Variants in TMED2 observed in about 807,000 individuals in gnomAD.
TMED2 encodes transmembrane emp24 domain-containing protein 2.
Under a neutral mutation model 17.5 loss-of-function variants are expected in TMED2, and 3 were observed. That is an observed-to-expected ratio of 0.17 (90% confidence interval 0.08 to 0.44). TMED2 has a LOEUF of 0.44. Among genes scored for constraint, TMED2 ranks in the 20% least tolerant of loss-of-function variants. The probability of loss-of-function intolerance (pLI) is 0.99; values close to 1 mark genes in which losing one functional copy is unlikely to be tolerated. For missense variants in TMED2, 149 were observed against 254.8 expected (o/e 0.58, Z 2.83); for synonymous variants, 95 against 91.0 (o/e 1.04, Z -0.25).
At chr12:123,587,218 C>A (rs786450) in intron 2 of TMED2, among the ~76,000 whole-genome samples, 128,389 of 152,090 alleles carry the variant, frequency 0.84, 54,597 homozygotes, top group East Asian at 0.97. Context: ...GTGATCTTGG[C>A]TTACTGCAAT....
chr12:123,589,327 T>A (rs906029981), intron 2 of TMED2, among the ~76,000 whole-genome samples: 2 of 152,256 alleles, frequency 1.3e-5, no homozygotes, highest in Non-Finnish European at 2.9e-5. Context: ...CTCAGCTTTA[T>A]AGAGATTAAG....
At chr12:123,592,372 T>C (rs1364549027) in intron 3 of TMED2, among the ~76,000 whole-genome samples, 1 of 152,222 alleles carries the variant, frequency 6.6e-6, no homozygotes, top group Admixed American at 6.5e-5. Flanking sequence ...CTTTGCAATT[T>C]TAACTGGTTC....
At chr12:123,591,109 C>T (rs1224122399) in intron 3 of TMED2, among the ~76,000 whole-genome samples, 1 of 152,088 alleles carries the variant, frequency 6.6e-6, no homozygotes, top group Admixed American at 6.6e-5. Flanking sequence ...TTTTTAATCA[C>T]ATACCTGAAA....
At chr12:123,584,951 G>GC in intron 1 of TMED2, 135 bp downstream of exon 1, 1 of 1,103,582 alleles carries the variant, frequency 9.1e-7, no homozygotes, top group Non-Finnish European at 1.3e-6. Flanking sequence ...AGCCCAGGCC[G>GC]CCACCCCCCG....
intron 3 of TMED2, among the ~76,000 whole-genome samples, chr12:123,596,048 T>C (rs1277482104): frequency 6.6e-6 from 1 of 152,166 alleles, no homozygotes; most frequent in Non-Finnish European, 1.5e-5. Context: ...TATGTTGAGT[T>C]GCTTGGAGAC....
At chr12:123,587,692 T>C in intron 2 of TMED2, 3 of 1,235,482 alleles carry the variant, frequency 2.4e-6, no homozygotes, top group Non-Finnish European at 3.1e-6. Context: ...AATGTCTAAT[T>C]TCTGCTTTCT....
intron 1 of TMED2, chr12:123,585,629 T>G (rs1424562288): frequency 6.6e-6 from 1 of 152,214 alleles, no homozygotes; most frequent in Non-Finnish European, 1.5e-5. Context: ...AGTTACACAA[T>G]ACAAGTGAAA....
intron 1 of TMED2, 71 bp downstream of exon 1, chr12:123,584,887 G>A: frequency 1.3e-6 from 2 of 1,570,308 alleles, no homozygotes; most frequent in Non-Finnish European, 1.7e-6. Flanking sequence ...CCTGGGACCG[G>A]CGCGGGGCCT....
intron 2 of TMED2, 157 bp downstream of exon 2, chr12:123,587,096 T>A: frequency 1.6e-6 from 1 of 643,208 alleles, no homozygotes; most frequent in Non-Finnish European, 2.3e-6. Context: ...GTCTCCTAAT[T>A]AATAAAAAAG....
rs1398107168 is a variant in TMED2 at position 123,590,457 on chromosome 12, A to C, written c.481+8A>C. 2 of 1,590,906 alleles carry C rather than the reference A, an allele frequency of 1.3e-6. No homozygotes were observed. Among genetic ancestry groups the C allele is most frequent in the South Asian group, 2.2e-5 (2 of 89,134 alleles). On this transcript the variant is annotated splice_region_variant and intron_variant, in intron 3 of 3. Transcript: ENST00000262225. ...AGAGAATACACAGAGCCAGTAAGTG[A>C]ATGCCGTCACTTTGCAGCAGTGTCT...
intron 2 of TMED2, chr12:123,587,773 T>G (rs1358584304): frequency 1.5e-6 from 1 of 659,562 alleles, no homozygotes; most frequent in African/African-American, 2.0e-5. Flanking sequence ...CTAATTGGAT[T>G]GATATTTTTT....
chr12:123,590,284 CAAAAA>C (rs377692258), intron 2 of TMED2, 53 bp from the exon 3 acceptor site: 241 of 1,030,668 alleles, frequency 2.3e-4, no homozygotes, highest in East Asian at 6.8e-4. Context: ...GACTCTGTCT[CAAAAA>C]AAAAAAAAAA....
chr12:123,594,137 A>ATTTT (rs56102950), intron 3 of TMED2, among the ~76,000 whole-genome samples: 1 of 142,938 alleles, frequency 7.0e-6, no homozygotes, highest in Non-Finnish European at 1.5e-5. Flanking sequence ...ACTACATAGA[A>ATTTT]TTTTTTTTTT....
At chr12:123,587,186 G>A (rs999639666) in intron 2 of TMED2, among the ~76,000 whole-genome samples, 2 of 151,394 alleles carry the variant, frequency 1.3e-5, no homozygotes, top group African/African-American at 2.4e-5. Context: ...TCGCTCTTTC[G>A]CCCAGGCTGG....
intron 3 of TMED2, 133 bp downstream of exon 3, chr12:123,590,582 C>T: frequency 1.7e-6 from 1 of 601,536 alleles, no homozygotes. Flanking sequence ...AGTGTACCTA[C>T]ACGAGATATT....
intron 2 of TMED2, among the ~76,000 whole-genome samples, chr12:123,587,411 T>C (rs531816839): frequency 1.3e-5 from 2 of 152,298 alleles, no homozygotes; most frequent in East Asian, 3.9e-4. Flanking sequence ...TTTTTTGTTC[T>C]TTACATTTGT....
chr12:123,587,913 T>G (rs1953364146), intron 2 of TMED2, among the ~76,000 whole-genome samples: 1 of 152,212 alleles, frequency 6.6e-6, no homozygotes, highest in Non-Finnish European at 1.5e-5. Flanking sequence ...GAGTGGAAAT[T>G]CAATGATAAG....
In TMED2 at chr12:123,597,136, T is replaced by A. The variant is rs1953436574; in HGVS notation, c.*407T>A. ...GGATTCCTTCAGTCTATGGTTCAAG[T>A]CACTAAAGATTCATTTTTGTTGAGT... On this transcript the variant is annotated 3_prime_UTR_variant, in exon 4 of 4. Coordinates refer to ENST00000262225, the MANE Select transcript of TMED2 (RefSeq NM_006815.4). The A allele has an allele frequency of 6.5e-6, 1 of 152,778 alleles. No individual in the cohort carries two copies. The highest frequency in any genetic ancestry group is 1.5e-5 in the Non-Finnish European group (1 of 68,464). The allele number at this position is 152,778 out of a possible 1,614,324, so 9.5% of individuals were successfully genotyped here.
At chr12:123,595,306 G>A (rs1953423164) in intron 3 of TMED2, among the ~76,000 whole-genome samples, 1 of 152,188 alleles carries the variant, frequency 6.6e-6, no homozygotes, top group Non-Finnish European at 1.5e-5. Context: ...TAGAGTAGGT[G>A]TGGATTTTAC....
Sources: allele counts gnomAD v4.1 joint callset (sites outside exome capture counted in the v4.1 genomes callset), GRCh38; gene constraint gnomAD v4.1.1; transcripts MANE v1.5; gene names NCBI Gene and HGNC (gene_info 2026-07-23, HGNC 2026-07-21).